NEGR1: variants seen among roughly 807,000 people sequenced by gnomAD.
NEGR1 encodes the protein IgLON family member 4.
Under a neutral mutation model 40.9 loss-of-function variants are expected in NEGR1, and 10 were observed. The observed-to-expected ratio is 0.24, with a 90% CI of 0.15 to 0.42. NEGR1 has a LOEUF of 0.42. Ranked by LOEUF, NEGR1 falls within the 10% of genes least tolerant of loss-of-function variation. NEGR1 has a pLI of 1.00. For synonymous variants in NEGR1, 185 were observed against 166.8 expected (o/e 1.11, Z -0.84); for missense variants, 352 against 438.9 (o/e 0.80, Z 1.77).
chr1:71,955,362 C>T (rs532951103), intron 1 of NEGR1, among the ~76,000 whole-genome samples: 1 of 152,148 alleles, frequency 6.6e-6, no homozygotes, highest in East Asian at 1.9e-4. Context: ...GGTAGTGGAT[C>T]AATTCTTGAA....
intron 2 of NEGR1, among the ~76,000 whole-genome samples, chr1:71,933,593 G>C (rs904553060): frequency 3.9e-5 from 6 of 151,962 alleles, no homozygotes; most frequent in African/African-American, 1.4e-4. Flanking sequence ...TAAGAAATGT[G>C]TTTTGTCTTA....
At chr1:71,569,401 A>T (rs1321845470) in intron 6 of NEGR1, among the ~76,000 whole-genome samples, 1 of 152,130 alleles carries the variant, frequency 6.6e-6, no homozygotes, top group Non-Finnish European at 1.5e-5. Context: ...TAGGAAATAG[A>T]GCCAGCACAG....
At chr1:71,819,905 A>G (rs1658363655) in intron 2 of NEGR1, among the ~76,000 whole-genome samples, 1 of 152,022 alleles carries the variant, frequency 6.6e-6, no homozygotes, top group Non-Finnish European at 1.5e-5. Context: ...GCCATTATGT[A>G]TGTGCTAAAA....
chr1:71,429,149 G>T (rs1236833225), intron 6 of NEGR1, among the ~76,000 whole-genome samples: 1 of 151,750 alleles, frequency 6.6e-6, no homozygotes, highest in African/African-American at 2.4e-5. Context: ...AAACCGCATT[G>T]ACTAGAACTG....
intron 6 of NEGR1, among the ~76,000 whole-genome samples, chr1:71,580,427 T>C (rs1290374763): frequency 2.0e-5 from 3 of 151,902 alleles, no homozygotes; most frequent in Non-Finnish European, 4.4e-5. Context: ...CTGCACATTG[T>C]GCACATGTAC....
intron 4 of NEGR1, among the ~76,000 whole-genome samples, chr1:71,644,351 T>C (rs1182857218): frequency 2.0e-5 from 3 of 151,962 alleles, no homozygotes; most frequent in Non-Finnish European, 2.9e-5. Flanking sequence ...GAAAACACCA[T>C]TAAGAACATA....
intron 3 of NEGR1, among the ~76,000 whole-genome samples, chr1:71,745,990 C>A (rs1017737883): frequency 2.0e-5 from 3 of 152,182 alleles, no homozygotes; most frequent in African/African-American, 2.4e-5. Context: ...TCTAAACAGA[C>A]CTTGCTGAGT....
chr1:71,920,899 T>C (rs1475992308), intron 2 of NEGR1, among the ~76,000 whole-genome samples: 1 of 152,202 alleles, frequency 6.6e-6, no homozygotes, highest in South Asian at 2.1e-4. Context: ...TCAGTCTGTG[T>C]GGTAATGAAA....
At chr1:72,014,245 C>T (rs886998077) in intron 1 of NEGR1, among the ~76,000 whole-genome samples, 2 of 151,858 alleles carry the variant, frequency 1.3e-5, no homozygotes, top group African/African-American at 4.8e-5. Flanking sequence ...CAAACATTAT[C>T]TTGATTAATA....
chr1:71,901,627 T>C (rs1021201232), intron 2 of NEGR1, among the ~76,000 whole-genome samples: 1 of 151,862 alleles, frequency 6.6e-6, no homozygotes, highest in Non-Finnish European at 1.5e-5. Context: ...ACTGATGAGC[T>C]TTTTTTCTAA....
At chr1:71,563,917 G>C (rs1295177342) in intron 6 of NEGR1, among the ~76,000 whole-genome samples, 4 of 151,610 alleles carry the variant, frequency 2.6e-5, no homozygotes, top group African/African-American at 9.7e-5. Flanking sequence ...CTGACTATAG[G>C]TGACAGACGA....
intron 3 of NEGR1, among the ~76,000 whole-genome samples, chr1:71,753,169 C>G (rs941378556): frequency 1.3e-5 from 2 of 151,912 alleles, no homozygotes; most frequent in African/African-American, 4.8e-5. Flanking sequence ...TGAGGTTTAA[C>G]TAAGAAAATT....
intron 2 of NEGR1, among the ~76,000 whole-genome samples, chr1:71,915,993 C>T (rs1213351847): frequency 6.6e-6 from 1 of 151,960 alleles, no homozygotes; most frequent in South Asian, 2.1e-4. Context: ...TAGGAAAGAA[C>T]AAAAACACAG....
rs1015229543 is a variant in NEGR1, at chr1:71,705,880, C to CAAGG, written c.536-7745_536-7742dup. On this transcript the variant is annotated intron_variant, in intron 3 of 6. Coordinates refer to ENST00000357731, the MANE Select transcript of NEGR1 (RefSeq NM_173808.3). ...GAGAGGAAGGAAGGAAGGAAGGAAG[C>CAAGG]AAGGAAGGAAGGAGCCAGAAGGCAA... 1.4e-4 allele frequency among the ~76,000 whole-genome samples: 21 copies of CAAGG among 150,896 alleles called. No homozygotes were observed. The East Asian group carries it at 2.1e-3, about 15-fold the overall frequency.
intron 2 of NEGR1, among the ~76,000 whole-genome samples, chr1:71,803,308 C>G (rs541149008): frequency 1.3e-5 from 2 of 152,190 alleles, no homozygotes; most frequent in East Asian, 3.9e-4. Flanking sequence ...AAGATACCAC[C>G]AGAAACCATC....
At chr1:72,050,408 T>C (rs1647048107) in intron 1 of NEGR1, among the ~76,000 whole-genome samples, 1 of 151,518 alleles carries the variant, frequency 6.6e-6, no homozygotes, top group Non-Finnish European at 1.5e-5. Flanking sequence ...ATTTGAATAA[T>C]TATTTTTAGT....
chr1:71,439,098 C>A (rs1557526440), intron 6 of NEGR1, among the ~76,000 whole-genome samples: 1 of 152,138 alleles, frequency 6.6e-6, no homozygotes, highest in Non-Finnish European at 1.5e-5. Flanking sequence ...TTTCTCTAAT[C>A]TTCCCTTCTG....
At chr1:71,817,279 AC>A (rs1380651928) in intron 2 of NEGR1, among the ~76,000 whole-genome samples, 1 of 152,056 alleles carries the variant, frequency 6.6e-6, no homozygotes, top group Non-Finnish European at 1.5e-5. Flanking sequence ...CCTGGCTCAA[AC>A]AGCCCACATT....
chr1:71,833,691 T>G (rs1658917521), intron 2 of NEGR1, among the ~76,000 whole-genome samples: 1 of 152,044 alleles, frequency 6.6e-6, no homozygotes, highest in Admixed American at 6.6e-5. Flanking sequence ...AGACCTGATG[T>G]TGCAAACCAG....
Sources: gnomAD v4.1 joint callset for allele counts (sites outside exome capture counted in the v4.1 genomes callset) on GRCh38, gnomAD v4.1.1 for gene constraint, MANE v1.5 for transcripts, NCBI Gene and HGNC (gene_info 2026-07-23, HGNC 2026-07-21) for gene names.